Variants in COPG2 observed in about 807,000 individuals in gnomAD.
COPG2 encodes coat protein complex I subunit gamma 2.
In COPG2, 37 loss-of-function variants were observed where a neutral mutation model predicts 46.3. The observed-to-expected ratio is 0.80, with a 90% CI of 0.61 to 1.05. The LOEUF is 1.05. Ranked by LOEUF, COPG2 falls within the 50% of genes least tolerant of loss-of-function variation. The probability of loss-of-function intolerance (pLI) is 0.00; values close to 1 mark genes in which losing one functional copy is unlikely to be tolerated. For missense variants in COPG2, 427 were observed against 387.8 expected (o/e 1.10, Z -0.85); for synonymous variants, 159 against 129.7 (o/e 1.23, Z -1.53).
In COPG2 at chr7:130,553,209, T is replaced by C. The variant is rs1793560798; in HGVS notation, c.1469-779A>G. On this transcript the variant is annotated intron_variant, in intron 14 of 23. Coordinates refer to ENST00000425248, the MANE Select transcript of COPG2 (RefSeq NM_012133.6). Reference sequence around the variant, plus strand: ...GCAAGGCTGAGCAAAGGACCCATGTTGGAGAGCAAGAAGAGACAAGGGAGA... The same window carrying C: ...GCAAGGCTGAGCAAAGGACCCATGTCGGAGAGCAAGAAGAGACAAGGGAGA... 5.9e-5 allele frequency among the ~76,000 whole-genome samples: 9 copies of C among 152,266 alleles called. 1 individual carries two copies. The South Asian group carries it at 1.9e-3, about 32-fold the overall frequency.
chr7:130,508,775 G>T, intron 20 of COPG2, 116 bp from the exon 21 acceptor site: 1 of 629,464 alleles, frequency 1.6e-6, no homozygotes, highest in Non-Finnish European at 2.9e-6. Flanking sequence ...CACATGCCCT[G>T]TTGTCTGGGG....
intron 9 of COPG2, among the ~76,000 whole-genome samples, chr7:130,586,422 C>T (rs1236177517): frequency 6.6e-6 from 1 of 152,010 alleles, no homozygotes; most frequent in Non-Finnish European, 1.5e-5. Context: ...AAAGAACTTA[C>T]TTGTGTAACC....
chr7:130,591,508 A>C (rs1219576543), intron 9 of COPG2, among the ~76,000 whole-genome samples: 1 of 60,918 alleles, frequency 1.6e-5, no homozygotes, highest in Non-Finnish European at 3.4e-5. Flanking sequence ...CAGCCGCCCC[A>C]TCCGGGAGGT....
intron 9 of COPG2, among the ~76,000 whole-genome samples, chr7:130,597,940 A>G (rs1283362931): frequency 6.6e-6 from 1 of 152,178 alleles, no homozygotes; most frequent in African/African-American, 2.4e-5. Context: ...AGGTTATTCA[A>G]TAATAGGGAT....
chr7:130,619,645 T>G (rs1281928303), intron 5 of COPG2, among the ~76,000 whole-genome samples: 3 of 152,208 alleles, frequency 2.0e-5, no homozygotes, highest in Non-Finnish European at 4.4e-5. Flanking sequence ...TCACTGGTAA[T>G]TCATTTCCTG....
intron 10 of COPG2, among the ~76,000 whole-genome samples, chr7:130,563,733 G>A (rs1793754807): frequency 8.4e-6 from 1 of 118,446 alleles, no homozygotes; most frequent in South Asian, 2.9e-4. Context: ...TCCTGCCTCA[G>A]TGACAGAGTG....
intron 9 of COPG2, among the ~76,000 whole-genome samples, chr7:130,601,818 A>AT (rs1377557471): frequency 1.3e-4 from 20 of 152,102 alleles, no homozygotes; most frequent in African/African-American, 4.6e-4. Flanking sequence ...AACTTAAAGT[A>AT]TAATAAAAAA....
At chr7:130,647,035 ATATT>A (rs1237664211) in intron 5 of COPG2, among the ~76,000 whole-genome samples, 8 of 119,714 alleles carry the variant, frequency 6.7e-5, no homozygotes, top group Admixed American at 9.1e-5. Flanking sequence ...GTGTATATAT[ATATT>A]TATTTATTTA....
chr7:130,653,800 C>A (rs1554459490), intron 4 of COPG2, among the ~76,000 whole-genome samples: 1 of 151,786 alleles, frequency 6.6e-6, no homozygotes, highest in Non-Finnish European at 1.5e-5. Flanking sequence ...ACTACTGAAC[C>A]CATTAAGGAA....
intron 9 of COPG2, among the ~76,000 whole-genome samples, chr7:130,600,417 C>T (rs1297284070): frequency 6.6e-6 from 1 of 152,094 alleles, no homozygotes. Context: ...CGTGCCACCA[C>T]GCCTGGCTAA....
chr7:130,583,739 G>A (rs1352449687), intron 9 of COPG2, among the ~76,000 whole-genome samples: 17 of 146,872 alleles, frequency 1.2e-4, no homozygotes, highest in Non-Finnish European at 1.3e-4. Flanking sequence ...CCTGGGAGGC[G>A]GAGGTTGCAG....
At chr7:130,601,179 G>A (rs1794626056) in intron 9 of COPG2, among the ~76,000 whole-genome samples, 1 of 152,238 alleles carries the variant, frequency 6.6e-6, no homozygotes, top group Non-Finnish European at 1.5e-5. Flanking sequence ...AGATGCTGGA[G>A]AGGATGTGGA....
rs782469914 is a variant in COPG2, at chr7:130,666,925, C to T, written c.95G>A (p.Arg32His). ...ATTGATTGGAGTTTCATTGAATATACGAGCCTATGAAAAAACATAAAAAAC... is the reference window on the plus strand; with the variant it reads ...ATTGATTGGAGTTTCATTGAATATATGAGCCTATGAAAAAACATAAAAAAC... ...LEKSAVLQEA[R>H]IFNETPINPR... The change falls in exon 3 of 24, where the codon CGT (arginine) becomes CAT (histidine). Residue 32 changes from arginine to histidine, a missense_variant. Arg to His is a conservative substitution (Grantham distance 29). Coordinates refer to ENST00000425248, the MANE Select transcript of COPG2 (RefSeq NM_012133.6). 7.8e-6 allele frequency: 12 copies of T among 1,532,048 alleles called. No homozygotes were observed. Among genetic ancestry groups the T allele is most frequent in the Admixed American group, 6.0e-5 (3 of 49,624 alleles). 94.9% of individuals were successfully genotyped at this position (1,532,048 alleles called of 1,614,324 possible). A position where few individuals can be genotyped will look rare whatever the true frequency, so the allele number is the denominator to read the frequency against.
At chr7:130,598,089 G>C (rs1794564556) in intron 9 of COPG2, among the ~76,000 whole-genome samples, 1 of 152,112 alleles carries the variant, frequency 6.6e-6, no homozygotes, top group South Asian at 2.1e-4. Flanking sequence ...GCCGCTTCTA[G>C]TGTAGGAAGC....
chr7:130,640,583 A>G (rs1192572048), intron 5 of COPG2, among the ~76,000 whole-genome samples: 1 of 152,164 alleles, frequency 6.6e-6, no homozygotes, highest in Non-Finnish European at 1.5e-5. Context: ...GGAAGTTTTG[A>G]GACGTGGCAT....
chr7:130,536,507 A>G (rs1387626141), intron 20 of COPG2, among the ~76,000 whole-genome samples: 4 of 152,192 alleles, frequency 2.6e-5, no homozygotes, highest in Admixed American at 6.5e-5. Flanking sequence ...AACACAGATA[A>G]CAGCAAAAGA....
intron 12 of COPG2, among the ~76,000 whole-genome samples, chr7:130,559,541 G>A (rs1793684762): frequency 6.6e-6 from 1 of 152,124 alleles, no homozygotes; most frequent in Admixed American, 6.5e-5. Flanking sequence ...TATGTGTCCA[G>A]ATCCCCAGCT....
intron 5 of COPG2, among the ~76,000 whole-genome samples, chr7:130,647,749 G>C (rs1254244516): frequency 1.1e-3 from 142 of 130,756 alleles, no homozygotes; most frequent in Admixed American, 2.2e-3. Flanking sequence ...TTTTTTTTTC[G>C]AGACGAAGTC....
chr7:130,658,306 T>C (rs1795896735), intron 4 of COPG2, among the ~76,000 whole-genome samples: 1 of 152,196 alleles, frequency 6.6e-6, no homozygotes. Context: ...TCATACAGTA[T>C]GATATCATTC....
Sources: allele counts gnomAD v4.1 joint callset (sites outside exome capture counted in the v4.1 genomes callset), GRCh38; gene constraint gnomAD v4.1.1; transcripts MANE v1.5; gene names NCBI Gene and HGNC (gene_info 2026-07-23, HGNC 2026-07-21).